Variants in APBA1 observed in about 807,000 individuals in gnomAD.
The protein encoded by APBA1 is amyloid-beta A4 precursor protein-binding family A member 1.
In APBA1, 55 loss-of-function variants were observed where a neutral mutation model predicts 86.6. That is an observed-to-expected ratio of 0.64 (90% CI 0.51 to 0.80). The LOEUF (loss-of-function observed/expected upper bound fraction) is 0.80. APBA1 is among the 30% of genes least tolerant of loss of function. APBA1 has a pLI of 0.00. For synonymous variants in APBA1, 511 were observed against 493.9 expected (o/e 1.03, Z -0.46); for missense variants, 1,090 against 1,183.0 (o/e 0.92, Z 1.15).
intron 4 of APBA1, among the ~76,000 whole-genome samples, chr9:69,468,702 C>T (rs950786976): frequency 1.9e-4 from 29 of 152,328 alleles, no homozygotes; most frequent in Non-Finnish European, 3.8e-4. Context: ...CCTTTTAAGT[C>T]AAACCTGTTT....
intron 1 of APBA1, among the ~76,000 whole-genome samples, chr9:69,658,566 C>G (rs1355922949): frequency 3.2e-5 from 2 of 62,524 alleles, no homozygotes; most frequent in Non-Finnish European, 7.9e-5. Context: ...CCATGCCCAG[C>G]TAATTTTTTT....
intron 1 of APBA1, among the ~76,000 whole-genome samples, chr9:69,626,318 ATTGTTGT>A (rs1822927509): frequency 1.0e-5 from 1 of 96,766 alleles, no homozygotes; most frequent in African/African-American, 3.1e-5. Flanking sequence ...TGTTGTTGTT[ATTGTTGT>A]TTGTTTGTTT....
At chr9:69,627,726 C>T (rs1332328806) in intron 1 of APBA1, among the ~76,000 whole-genome samples, 2 of 152,110 alleles carry the variant, frequency 1.3e-5, no homozygotes, top group African/African-American at 4.8e-5. Flanking sequence ...CTCTCCCACA[C>T]CTAAAGTAAC....
intron 1 of APBA1, among the ~76,000 whole-genome samples, chr9:69,518,492 G>A (rs1270178653): frequency 6.6e-6 from 1 of 152,108 alleles, no homozygotes; most frequent in African/African-American, 2.4e-5. Flanking sequence ...GAAACTTGTA[G>A]CTCGAGAGAA....
At position 69,516,749 on chromosome 9, in the gene APBA1, C is replaced by A. The variant is rs747035723; in HGVS notation, c.462G>T (p.Ser154=). The change falls in exon 2 of 13, where the codon TCG becomes TCT. Residue 154 remains serine (S), a synonymous_variant. Transcript: ENST00000265381. The surrounding 1 kb of genome is among the most constrained non-coding windows in gnomAD (Gnocchi z 7.3). ...CATTCATGGCTTCCTCGTGCTCCAG[C>A]GAGTGGAAGTGCAGGTGGTTGGGCA... is the stretch of plus-strand genomic sequence containing the variant. The part of the protein sequence containing the change: ...RALPNHLHFH[S]LEHEEAMNAA... The A allele has an allele frequency of 1.9e-6, 3 of 1,612,006 alleles. No individual in the cohort carries two copies. The South Asian group carries it at 3.3e-5, about 18-fold the overall frequency.
At chr9:69,573,810 C>A (rs569540054) in intron 1 of APBA1, among the ~76,000 whole-genome samples, 127 of 152,302 alleles carry the variant, frequency 8.3e-4, no homozygotes, top group African/African-American at 2.8e-3. Flanking sequence ...AGACTCAGCT[C>A]CATTTCCTTG....
chr9:69,458,250 AGTC>A, intron 5 of APBA1, 62 bp from the exon 6 acceptor site: 1 of 1,500,454 alleles, frequency 6.7e-7, no homozygotes, highest in Admixed American at 2.0e-5. Context: ...AGAGACTCAA[AGTC>A]AAAAAGGGAA....
At chr9:69,563,535 C>T (rs1836979347) in intron 1 of APBA1, among the ~76,000 whole-genome samples, 1 of 152,188 alleles carries the variant, frequency 6.6e-6, no homozygotes, top group African/African-American at 2.4e-5. Context: ...TGCATGGCTA[C>T]CAAATCACGG....
intron 2 of APBA1, among the ~76,000 whole-genome samples, chr9:69,496,817 T>C (rs1431826873): frequency 6.6e-6 from 1 of 152,072 alleles, no homozygotes; most frequent in East Asian, 1.9e-4. Flanking sequence ...CATTTAACTC[T>C]CCCTAGCCCA....
chr9:69,603,369 A>C (rs991504892), intron 1 of APBA1, among the ~76,000 whole-genome samples: 1 of 152,220 alleles, frequency 6.6e-6, no homozygotes, highest in African/African-American at 2.4e-5. Context: ...ATGTGTGTAA[A>C]TCTTAGAAGC....
chr9:69,558,194 A>G (rs1836891565), intron 1 of APBA1, among the ~76,000 whole-genome samples: 3 of 152,006 alleles, frequency 2.0e-5, no homozygotes. Flanking sequence ...CAATTTTTAA[A>G]CTGTCTTCCT....
Position 69,516,960 on chromosome 9 carries a change from C to T in APBA1, c.251G>A (p.Gly84Asp). ...GGCGGTGTCCGTGTGGTTGTGGAAG[C>T]CGCTCTCCGTGCTGGCTGAGCGCGC... ...CLARSASTES[G>D]FHNHTDTAEG... is the part of the protein sequence containing the mutation. The change falls in exon 2 of 13, where the codon GGC becomes GAC. Residue 84 changes from glycine to aspartate, a missense_variant. Physicochemically the swap from Gly to Asp is moderately conservative, Grantham distance 94. This residue lies in a region of APBA1 where 678 missense variants were observed against 647.1 expected (regional missense o/e 1.05). Transcript: ENST00000265381. This position sits in a 1 kb window ranked among gnomAD's most constrained non-coding sequence, Gnocchi z 7.3. 6.3e-7 allele frequency: 1 copy of T among 1,592,886 alleles called. No individual in the cohort carries two copies.
At chr9:69,512,212 A>C (rs1277286827) in intron 2 of APBA1, among the ~76,000 whole-genome samples, 1 of 152,174 alleles carries the variant, frequency 6.6e-6, no homozygotes, top group Non-Finnish European at 1.5e-5. Flanking sequence ...TCCTTACTAG[A>C]AGAAAATCAC....
At position 69,476,261 on chromosome 9, in the gene APBA1, T is replaced by G. The variant is rs981960539; in HGVS notation, c.1201-118A>C. The G allele has an allele frequency of 4.5e-6, 3 of 671,274 alleles. No homozygotes were observed. The Admixed American group carries it at 8.8e-5, about 20-fold the overall frequency. The allele number at this position is 671,274 out of a possible 1,614,324, so 41.6% of individuals were successfully genotyped here. On this transcript the variant is annotated intron_variant, in intron 2 of 12. Coordinates refer to ENST00000265381, the MANE Select transcript of APBA1 (RefSeq NM_001163.4). ...GAACACAATCGAACAGACACTGCAG[T>G]GGGGAGAAAACCTCTTAAAAAGGAG...
At chr9:69,579,862 C>T (rs1821882073) in intron 1 of APBA1, among the ~76,000 whole-genome samples, 1 of 152,180 alleles carries the variant, frequency 6.6e-6, no homozygotes, top group South Asian at 2.1e-4. Flanking sequence ...CTCATTTTAT[C>T]CCATTTGTCA....
chr9:69,529,915 C>T (rs1263189632), intron 1 of APBA1, among the ~76,000 whole-genome samples: 1 of 151,908 alleles, frequency 6.6e-6, no homozygotes, highest in Non-Finnish European at 1.5e-5. Flanking sequence ...AAAAGAAGTA[C>T]AAGTGGCCAA....
At chr9:69,653,896 T>C (rs756718189) in intron 1 of APBA1, among the ~76,000 whole-genome samples, 3 of 151,314 alleles carry the variant, frequency 2.0e-5, no homozygotes, top group African/African-American at 4.9e-5. Flanking sequence ...TCACTTGAGG[T>C]GAGGAGTTTG....
chr9:69,670,278 A>G (rs544137690), intron 1 of APBA1, among the ~76,000 whole-genome samples: 1 of 152,312 alleles, frequency 6.6e-6, no homozygotes, highest in East Asian at 1.9e-4. Context: ...TATTATTTTC[A>G]CAACGATATC....
intron 2 of APBA1, among the ~76,000 whole-genome samples, chr9:69,489,144 T>C (rs1835660441): frequency 6.6e-6 from 1 of 152,070 alleles, no homozygotes; most frequent in Non-Finnish European, 1.5e-5. Flanking sequence ...AAAGTTCATA[T>C]GGAACCAGAA....
Sources: gnomAD v4.1 joint callset for allele counts (sites outside exome capture counted in the v4.1 genomes callset) on GRCh38, gnomAD v4.1.1 for gene constraint, gnomAD v4.1.1 regional missense constraint, Gnocchi (gnomAD v3.1) non-coding constraint, MANE v1.5 for transcripts, NCBI Gene and HGNC (gene_info 2026-07-23, HGNC 2026-07-21) for gene names.